The following MYH14 variants were observed in gnomAD, a reference collection of about 807,000 sequenced individuals.
MYH14 encodes the protein myosin heavy chain 14, also known as myosin-14.
MYH14 carries 123 observed loss-of-function variants against 255.5 expected under a neutral mutation model. That is an observed-to-expected ratio of 0.48 (90% CI 0.42 to 0.56). MYH14 has a LOEUF of 0.56. MYH14 is among the 20% of genes least tolerant of loss of function. MYH14 has a pLI of 0.00. For synonymous variants in MYH14, 1,095 were observed against 1,161.2 expected (o/e 0.94, Z 1.16); for missense variants, 2,423 against 2,802.3 (o/e 0.86, Z 3.06).
intron 10 of MYH14, among the ~76,000 whole-genome samples, chr19:50,237,828 G>A (rs1459033163): frequency 6.6e-6 from 1 of 152,220 alleles, no homozygotes; most frequent in Non-Finnish European, 1.5e-5. Context: ...TGCTTACAAG[G>A]AGTGGAGTTA....
At chr19:50,306,036 T>C (rs1433512851) in intron 40 of MYH14, among the ~76,000 whole-genome samples, 2 of 152,150 alleles carry the variant, frequency 1.3e-5, no homozygotes, top group East Asian at 3.9e-4. Context: ...CCCAGCACTT[T>C]GGGAGGCCGA....
intron 16 of MYH14, among the ~76,000 whole-genome samples, chr19:50,254,412 G>A (rs767908839): frequency 2.0e-5 from 3 of 152,154 alleles, no homozygotes; most frequent in African/African-American, 4.8e-5. Context: ...TTCAGGAACA[G>A]AACCAGATTA....
intron 11 of MYH14, among the ~76,000 whole-genome samples, chr19:50,246,553 C>T (rs970831929): frequency 5.9e-5 from 9 of 151,992 alleles, no homozygotes; most frequent in East Asian, 3.9e-4. Flanking sequence ...ACCAGGGAGG[C>T]GGAGGTTGTA....
At chr19:50,288,699 G>A (rs650829) in intron 34 of MYH14, among the ~76,000 whole-genome samples, 2 of 152,040 alleles carry the variant, frequency 1.3e-5, no homozygotes, top group Admixed American at 1.3e-4. Context: ...AGTTCAGTGC[G>A]GGAGGCGGGT....
At chr19:50,212,953 C>A (rs1285081399) in intron 2 of MYH14, among the ~76,000 whole-genome samples, 1 of 152,056 alleles carries the variant, frequency 6.6e-6, no homozygotes, top group Non-Finnish European at 1.5e-5. Flanking sequence ...GCCTTTTATT[C>A]ATTTATATAT....
chr19:50,299,860 G>A (rs563524697), intron 39 of MYH14, among the ~76,000 whole-genome samples: 4 of 150,768 alleles, frequency 2.7e-5, no homozygotes, highest in African/African-American at 9.7e-5. Context: ...CAAGAAAATC[G>A]CTTGACCCCG....
chr19:50,252,528 C>A lies in MYH14; in HGVS notation c.1831-111C>A. 1 of 755,560 alleles carries A rather than the reference C, an allele frequency of 1.3e-6. No homozygotes were observed. The highest frequency in any genetic ancestry group is 2.3e-6 in the Non-Finnish European group (1 of 429,992). The allele number at this position is 755,560 out of a possible 1,614,324, so 46.8% of individuals were successfully genotyped here. A position where few individuals can be genotyped will look rare whatever the true frequency, so the allele number is the denominator to read the frequency against. On this transcript the variant is annotated intron_variant, in intron 15 of 42. Transcript: ENST00000642316. This position sits in a 1 kb window ranked among gnomAD's most constrained non-coding sequence, Gnocchi z 4.2. ...AAGGTGGCACCAGTGCTCGCTTGTC[C>A]ATGGTGAGCTCCAGACCTGGGAGTC... is the stretch of plus-strand genomic sequence containing the variant.
At chr19:50,303,826 A>G (rs2036571022) in intron 40 of MYH14, among the ~76,000 whole-genome samples, 1 of 152,204 alleles carries the variant, frequency 6.6e-6, no homozygotes, top group Non-Finnish European at 1.5e-5. Flanking sequence ...CAGCAGTAGT[A>G]TGGGGCTGAA....
chr19:50,274,082 G>A (rs537774673), intron 27 of MYH14, among the ~76,000 whole-genome samples: 34 of 152,260 alleles, frequency 2.2e-4, no homozygotes, highest in African/African-American at 8.2e-4. Flanking sequence ...GTTAGTGTGA[G>A]GGTTAAAGAA....
Position 50,250,281 on chromosome 19 carries a change from T to C in MYH14, c.1657-234T>C, listed in dbSNP as rs1163716139. On this transcript the variant is annotated intron_variant, in intron 14 of 42. Coordinates refer to ENST00000642316, the MANE Select transcript of MYH14 (RefSeq NM_001145809.2). This position sits in a 1 kb window ranked among gnomAD's most constrained non-coding sequence, Gnocchi z 5.4. ...ACGCCCGGCTAATTTTTTGTATTTT[T>C]AGTAGAGTCGGGGGTTTCACTGTGT... Among the ~76,000 whole-genome samples, 1 of 152,138 alleles carries C rather than the reference T, an allele frequency of 6.6e-6. No individual in the cohort carries two copies. The highest frequency in any genetic ancestry group is 1.5e-5 in the Non-Finnish European group (1 of 68,024).
chr19:50,239,986 A>C (rs1342553876), intron 10 of MYH14, among the ~76,000 whole-genome samples: 1 of 152,044 alleles, frequency 6.6e-6, no homozygotes, highest in African/African-American at 2.4e-5. Flanking sequence ...GGAGCCCCCC[A>C]TGTCCCTTCC....
chr19:50,285,352 AAC>A (rs1237506532), intron 33 of MYH14: 2 of 152,242 alleles, frequency 1.3e-5, no homozygotes, highest in East Asian at 3.8e-4. Context: ...CTGACATCAT[AAC>A]AATATTGAGT....
In MYH14 at chr19:50,276,503, A is replaced by T. The variant is rs896801332; in HGVS notation, c.3681-254A>T. 1.3e-5 allele frequency among the ~76,000 whole-genome samples: 2 copies of T among 152,090 alleles called. No homozygotes were observed. On this transcript the variant is annotated intron_variant, in intron 28 of 42. Transcript: ENST00000642316. The surrounding 1 kb of genome is among the most constrained non-coding windows in gnomAD (Gnocchi z 4.3). ...TGTGGGTGATAAGTGAAGACCCCTA[A>T]ACCAAGTCTATGGGAGATCCAGGAA...
At chr19:50,248,298 C>T (rs1386816092) in intron 12 of MYH14, among the ~76,000 whole-genome samples, 1 of 152,056 alleles carries the variant, frequency 6.6e-6, no homozygotes, top group Non-Finnish European at 1.5e-5. Flanking sequence ...TAGAAAGATC[C>T]CCTTGGCTGC....
At chr19:50,301,461 T>TCCC (rs1267401483) in intron 39 of MYH14, among the ~76,000 whole-genome samples, 200 bp from the exon 40 acceptor site, 23 of 152,368 alleles carry the variant, frequency 1.5e-4, no homozygotes, top group African/African-American at 5.5e-4. Flanking sequence ...GACCCAGGGC[T>TCCC]GGCAGTGCTG....
rs190088995 is a variant in MYH14, at chr19:50,310,217, T to C, written c.*427T>C. On this transcript the variant is annotated 3_prime_UTR_variant, in exon 43 of 43. Coordinates refer to ENST00000642316, the MANE Select transcript of MYH14 (RefSeq NM_001145809.2). Reference sequence around the variant, plus strand: ...TCCCTCCCTCTCCTTCCCTACCCTCTCACCATCTTTCTTGGCCTCTCTGAG... The same window carrying C: ...TCCCTCCCTCTCCTTCCCTACCCTCCCACCATCTTTCTTGGCCTCTCTGAG... The C allele has an allele frequency of 1.7e-3, 423 of 247,640 alleles. 3 individuals carry two copies. The highest frequency in any genetic ancestry group is 9.0e-3 in the African/African-American group (387 of 43,026). The allele number at this position is 247,640 out of a possible 1,614,324, so 15.3% of individuals were successfully genotyped here.
At chr19:50,256,109 C>G (rs1249002850) in intron 17 of MYH14, among the ~76,000 whole-genome samples, 1 of 151,850 alleles carries the variant, frequency 6.6e-6, no homozygotes, top group Admixed American at 6.6e-5. Context: ...AAGACCCCGT[C>G]TCTACAAAAT....
intron 11 of MYH14, among the ~76,000 whole-genome samples, 190 bp downstream of exon 11, chr19:50,244,527 A>G (rs987410612): frequency 7.6e-6 from 1 of 131,018 alleles, no homozygotes; most frequent in Admixed American, 9.0e-5. Flanking sequence ...TCTGTCACCC[A>G]GGCTGGAGTG....
rs1012215726 is a variant in MYH14, at chr19:50,230,874, G to A, written c.973+251G>A. On this transcript the variant is annotated intron_variant, in intron 9 of 42. Transcript: ENST00000642316. The surrounding 1 kb of genome is among the most constrained non-coding windows in gnomAD (Gnocchi z 4.7). Reference sequence around the variant, plus strand: ...CCGCTGTCACGGCCACGCAGCCCCCGCCGCCTGGTGGCTCCTGCTCACGCT... The same window carrying A: ...CCGCTGTCACGGCCACGCAGCCCCCACCGCCTGGTGGCTCCTGCTCACGCT... 1.8e-5 allele frequency: 9 copies of A among 489,508 alleles called. No individual in the cohort carries two copies. The highest frequency in any genetic ancestry group is 3.9e-5 in the African/African-American group (2 of 51,290). 30.3% of individuals were successfully genotyped at this position (489,508 alleles called of 1,614,324 possible).
Sources: allele counts gnomAD v4.1 joint callset (sites outside exome capture counted in the v4.1 genomes callset), GRCh38; gene constraint gnomAD v4.1.1; non-coding constraint Gnocchi (gnomAD v3.1); transcripts MANE v1.5; gene names NCBI Gene and HGNC (gene_info 2026-07-23, HGNC 2026-07-21).